The following LIN54 variants were observed in gnomAD, a reference collection of about 807,000 sequenced individuals.
LIN54 encodes the protein lin-54 DREAM MuvB core complex component.
Under a neutral mutation model 78.7 loss-of-function variants are expected in LIN54, and 9 were observed. The ratio of observed to expected loss-of-function variants is 0.11; its 90% confidence interval spans 0.07 to 0.20. The LOEUF (loss-of-function observed/expected upper bound fraction) is 0.20, where lower values mean the gene tolerates loss of function less well. LIN54 is among the 10% of genes least tolerant of loss of function. The probability of loss-of-function intolerance (pLI) is 1.00; values close to 1 mark genes in which losing one functional copy is unlikely to be tolerated. For missense variants in LIN54, 573 were observed against 889.9 expected, an observed-to-expected ratio of 0.64 and a Z score of 4.53; for synonymous variants, 269 against 318.4, an observed-to-expected ratio of 0.84 and a Z score of 1.65.
chr4:82,944,589 GAT>G (rs1395386616), intron 5 of LIN54: 8 of 1,098 alleles, frequency 7.3e-3, no homozygotes, highest in African/African-American at 8.4e-3. Context: ...AATTTAATAA[GAT>G]ATATACTAAA....
At chr4:82,972,948 T>TA (rs35025108) in intron 3 of LIN54, among the ~76,000 whole-genome samples, 1,328 of 59,184 alleles carry the variant, frequency 0.022, 24 homozygotes, top group East Asian at 0.1. Flanking sequence ...AGAATCCCTC[T>TA]AAAAAAAAAA....
intron 3 of LIN54, among the ~76,000 whole-genome samples, chr4:82,971,576 G>C (rs1315620895): frequency 6.6e-6 from 1 of 151,716 alleles, no homozygotes; most frequent in Non-Finnish European, 1.5e-5. Context: ...CTGAGGTTTG[G>C]AGATTATTTT....
At chr4:82,958,790 C>A (rs975486834) in intron 4 of LIN54, among the ~76,000 whole-genome samples, 1 of 152,180 alleles carries the variant, frequency 6.6e-6, no homozygotes, top group African/African-American at 2.4e-5. Flanking sequence ...GCAAACTCCG[C>A]CTCCTGGGTT....
intron 11 of LIN54, among the ~76,000 whole-genome samples, chr4:82,933,983 C>A (rs1722180628): frequency 6.6e-6 from 1 of 152,148 alleles, no homozygotes; most frequent in Non-Finnish European, 1.5e-5. Flanking sequence ...ATATTCGTGA[C>A]AATTTTTGTA....
intron 8 of LIN54, among the ~76,000 whole-genome samples, chr4:82,937,860 G>A (rs1722515068): frequency 6.6e-6 from 1 of 152,208 alleles, no homozygotes; most frequent in Non-Finnish European, 1.5e-5. Context: ...GGCAGGTGCA[G>A]TGGCTTAAGC....
At chr4:82,936,475 C>G in intron 9 of LIN54, 94 bp from the exon 10 acceptor site, 4 of 614,090 alleles carry the variant, frequency 6.5e-6, no homozygotes, top group Admixed American at 3.1e-5. Context: ...TGTACACATA[C>G]TACATATGTG....
intron 11 of LIN54, among the ~76,000 whole-genome samples, chr4:82,933,145 C>G (rs1722105947): frequency 6.6e-6 from 1 of 151,460 alleles, no homozygotes; most frequent in African/African-American, 2.4e-5. Flanking sequence ...GGGAATCTAA[C>G]TAAAGCAATA....
Position 82,926,595 on chromosome 4 carries a change from G to GT in LIN54, c.*1506dup, listed in dbSNP as rs1721487386. On this transcript the variant is annotated 3_prime_UTR_variant, in exon 13 of 13. Transcript: ENST00000340417. ...AACAAAATGCCTGAATTCCAACATG[G>GT]TTTTTTCTTGTCATAAAATCAAGAG... 2.6e-5 allele frequency: 4 copies of GT among 152,192 alleles called. No homozygotes were observed. In the South Asian group the frequency reaches 8.3e-4, roughly 32 times the overall value. 9.4% of individuals were successfully genotyped at this position (152,192 alleles called of 1,614,324 possible).
At chr4:82,942,858 GCGCACA>G (rs1394368938) in intron 5 of LIN54, among the ~76,000 whole-genome samples, 3 of 38,378 alleles carry the variant, frequency 7.8e-5, no homozygotes, top group South Asian at 1.4e-3. Context: ...GCGTGTGCGC[GCGCACA>G]CACACACACA....
chr4:82,932,092 A>T (rs1344926007), intron 11 of LIN54, among the ~76,000 whole-genome samples: 74 of 124,814 alleles, frequency 5.9e-4, no homozygotes, highest in African/African-American at 2.1e-3. Context: ...GTGTATTTTA[A>T]TTTTTTTTTT....
intron 1 of LIN54, among the ~76,000 whole-genome samples, chr4:83,010,086 A>G (rs1308835874): frequency 6.6e-6 from 1 of 152,202 alleles, no homozygotes; most frequent in Non-Finnish European, 1.5e-5. Flanking sequence ...AACATCCACA[A>G]CCCAACAAGT....
chr4:82,995,963 T>C (rs111458994), intron 1 of LIN54, among the ~76,000 whole-genome samples: 2,719 of 151,792 alleles, frequency 0.018, 88 homozygotes, highest in African/African-American at 0.062. Context: ...CTGAGCAACA[T>C]GGAGAAACCC....
rs1315528467 is a variant in LIN54 at position 82,924,918 on chromosome 4, A to G, written c.*3184T>C. 1 of 152,676 alleles carries G rather than the reference A, an allele frequency of 6.5e-6. No homozygotes were observed. Among genetic ancestry groups the G allele is most frequent in the Non-Finnish European group, 1.5e-5 (1 of 68,048 alleles). The allele number at this position is 152,676 out of a possible 1,614,324, so 9.5% of individuals were successfully genotyped here. ...GCTGTGAAGCTTCATTTACATAACA[A>G]GTATTCATTTTCTTAACTATTTGTG... On this transcript the variant is annotated 3_prime_UTR_variant, in exon 13 of 13. Transcript: ENST00000340417.
At chr4:82,979,906 AGCCT>A (rs1043771374) in intron 2 of LIN54, among the ~76,000 whole-genome samples, 4 of 140,154 alleles carry the variant, frequency 2.9e-5, no homozygotes, top group Non-Finnish European at 4.6e-5. Context: ...ACTGCACTCC[AGCCT>A]GGGTGACAGA....
rs1721597333 is a variant in LIN54 at position 82,927,779 on chromosome 4, A to G, written c.*323T>C. The G allele has an allele frequency of 1.6e-5, 4 of 243,276 alleles. No individual in the cohort carries two copies. Among genetic ancestry groups the G allele is most frequent in the Non-Finnish European group, 3.2e-5 (4 of 125,604 alleles). The allele number at this position is 243,276 out of a possible 1,614,324, so 15.1% of individuals were successfully genotyped here. A position where few individuals can be genotyped will look rare whatever the true frequency, so the allele number is the denominator to read the frequency against. On this transcript the variant is annotated 3_prime_UTR_variant, in exon 13 of 13. Coordinates refer to ENST00000340417, the MANE Select transcript of LIN54 (RefSeq NM_194282.4). The stretch of plus-strand genomic sequence containing the variant: ...TTAACAAAGTCATACAACACCATAC[A>G]TTATAAATTATATGAATTTATAAAC...
chr4:83,012,880 A>G (rs1712615279), upstream of LIN54: 2 of 149,948 alleles, frequency 1.3e-5, no homozygotes, highest in Non-Finnish European at 3.0e-5. Flanking sequence ...CGAGACACAG[A>G]CCAGGGTTTG....
rs150165095 is a variant in LIN54 at position 83,001,847 on chromosome 4, C to CA, written c.-33+8636dup. ...TGGGCGACAGAGCAAGACTCTGTCT[C>CA]AAAAAAAAAAAAAGGATAGGAAGGA... On this transcript the variant is annotated intron_variant, in intron 1 of 12. Transcript: ENST00000340417. Among the ~76,000 whole-genome samples the CA allele has an allele frequency of 4.3e-3, 152 of 35,504 alleles. 28 individuals carry two copies. The highest frequency in any genetic ancestry group is 0.016 in the East Asian group (9 of 574). 23.3% of individuals were successfully genotyped at this position (35,504 alleles called of 152,430 possible). A position where few individuals can be genotyped will look rare whatever the true frequency, so the allele number is the denominator to read the frequency against.
chr4:82,984,835 C>A lies in LIN54; in HGVS notation c.10G>T (p.Val4Leu). Residue 4 changes from valine (V) to leucine (L), a missense_variant, in exon 2 of 13, where the codon GTG becomes TTG. Coordinates refer to ENST00000340417, the MANE Select transcript of LIN54 (RefSeq NM_194282.4). ...AGCAAACTATTCACCTCAGCTGGCA[C>A]CACCTCCATGATCGTTCTCCCGCTA... is the stretch of plus-strand genomic sequence containing the variant. MEVVPAEVNSLLPE... is the reference protein window; with the variant it reads MEVLPAEVNSLLPE... 6.2e-7 allele frequency: 1 copy of A among 1,608,320 alleles called. No homozygotes were observed. The highest frequency in any genetic ancestry group is 2.2e-5 in the East Asian group (1 of 44,822).
Position 82,933,632 on chromosome 4 carries a change from A to G in LIN54, c.1845+2349T>C, listed in dbSNP as rs1321100936. On this transcript the variant is annotated intron_variant, in intron 11 of 12. Coordinates refer to ENST00000340417, the MANE Select transcript of LIN54 (RefSeq NM_194282.4). ...TACAGCCAACTAGCCACTGCTATTC[A>G]TAGTTTAGTATATTCTAAGTTTCTC... Among the ~76,000 whole-genome samples the G allele has an allele frequency of 3.3e-5, 5 of 152,254 alleles. No individual in the cohort carries two copies. In the East Asian group the frequency reaches 9.6e-4, roughly 29 times the overall value.
Sources: allele counts gnomAD v4.1 joint callset (sites outside exome capture counted in the v4.1 genomes callset), GRCh38; gene constraint gnomAD v4.1.1; transcripts MANE v1.5; gene names NCBI Gene and HGNC (gene_info 2026-07-23, HGNC 2026-07-21).